KCNH5: variants seen among roughly 807,000 people sequenced by gnomAD.
KCNH5 encodes potassium voltage-gated channel subfamily H member 5.
A neutral mutation model predicts 96.1 loss-of-function variants in KCNH5; 46 were observed. The observed-to-expected ratio is 0.48, with a 90% CI of 0.38 to 0.61. The LOEUF (loss-of-function observed/expected upper bound fraction) is 0.61, where lower values mean the gene tolerates loss of function less well. Ranked by LOEUF, KCNH5 falls within the 20% of genes least tolerant of loss-of-function variation. The pLI, the probability that KCNH5 is intolerant of heterozygous loss-of-function variation, is 0.00. For missense variants in KCNH5, 907 were observed against 1,225.8 expected, an observed-to-expected ratio of 0.74 and a Z score of 3.88; for synonymous variants, 439 against 449.8, an observed-to-expected ratio of 0.98 and a Z score of 0.30.
At chr14:62,788,454 A>G (rs775188843) in intron 9 of KCNH5, among the ~76,000 whole-genome samples, 4 of 152,216 alleles carry the variant, frequency 2.6e-5, no homozygotes, top group Non-Finnish European at 4.4e-5. Flanking sequence ...AAATGACAAC[A>G]AAGTACTTAT....
intron 10 of KCNH5, among the ~76,000 whole-genome samples, chr14:62,728,738 T>A (rs2139921724): frequency 6.6e-6 from 1 of 152,326 alleles, no homozygotes; most frequent in South Asian, 2.1e-4. Context: ...TAACTGGGCC[T>A]TATATGATGG....
At chr14:62,986,746 C>T (rs948626401) in intron 5 of KCNH5, among the ~76,000 whole-genome samples, 9 of 152,124 alleles carry the variant, frequency 5.9e-5, no homozygotes, top group South Asian at 2.1e-4. Context: ...ACATCCTTTG[C>T]AGAGTGCCAA....
intron 10 of KCNH5, among the ~76,000 whole-genome samples, chr14:62,755,609 C>A (rs1251901737): frequency 6.6e-6 from 1 of 152,026 alleles, no homozygotes; most frequent in East Asian, 1.9e-4. Context: ...GATACCAAAA[C>A]CAAACAAAGA....
intron 7 of KCNH5, among the ~76,000 whole-genome samples, chr14:62,937,506 G>C (rs1427159420): frequency 6.6e-6 from 1 of 152,126 alleles, no homozygotes. Context: ...CCTTCCTAAG[G>C]GGAGAGTCAG....
At chr14:62,715,633 T>C (rs1473531465) in intron 10 of KCNH5, among the ~76,000 whole-genome samples, 1 of 152,208 alleles carries the variant, frequency 6.6e-6, no homozygotes, top group African/African-American at 2.4e-5. Flanking sequence ...TGATACTCTG[T>C]TTTGAGATGT....
chr14:62,741,982 G>T (rs1885280174), intron 10 of KCNH5, among the ~76,000 whole-genome samples: 1 of 152,044 alleles, frequency 6.6e-6, no homozygotes, highest in Non-Finnish European at 1.5e-5. Flanking sequence ...TGCTTATCAG[G>T]GTTACAATCT....
chr14:63,045,284 T>C lies in KCNH5; in HGVS notation c.-98A>G. ...GAGGAGGAAAAGGTGGAAGAGAAGATTGAGCCGAAAGAAGAGGGGGCGCGG... is the reference window on the plus strand; with the variant it reads ...GAGGAGGAAAAGGTGGAAGAGAAGACTGAGCCGAAAGAAGAGGGGGCGCGG... On this transcript the variant is annotated 5_prime_UTR_variant, in exon 1 of 11. Transcript: ENST00000322893. 2.0e-6 allele frequency: 2 copies of C among 1,010,926 alleles called. No individual in the cohort carries two copies. The highest frequency in any genetic ancestry group is 3.1e-6 in the Non-Finnish European group (2 of 655,344). The allele number at this position is 1,010,926 out of a possible 1,614,324, so 62.6% of individuals were successfully genotyped here.
chr14:62,963,960 T>A (rs1022460173), intron 6 of KCNH5, among the ~76,000 whole-genome samples: 1 of 152,116 alleles, frequency 6.6e-6, no homozygotes, highest in African/African-American at 2.4e-5. Context: ...TATCCCTTTT[T>A]TCAACAATTT....
chr14:62,980,818 T>C (rs751652336), intron 6 of KCNH5, 54 bp downstream of exon 6: 7 of 1,558,282 alleles, frequency 4.5e-6, no homozygotes, highest in Non-Finnish European at 6.1e-6. Context: ...TTTATCCTGA[T>C]GTTTTCAAAA....
intron 8 of KCNH5, among the ~76,000 whole-genome samples, chr14:62,817,738 A>ATATTCTAGGAATATATTATATTCCT (rs1887018858): frequency 7.0e-6 from 1 of 142,570 alleles, no homozygotes; most frequent in African/African-American, 2.6e-5. Context: ...TCTATATAAT[A>ATATTCTAGGAATATATTATATTCCT]ATATATTCTA....
chr14:63,045,178 C>A lies in KCNH5; in HGVS notation c.9G>T (p.Gly3=). The A allele has an allele frequency of 6.2e-7, 1 of 1,613,554 alleles. No homozygotes were observed. Among genetic ancestry groups the A allele is most frequent in the Non-Finnish European group, 8.5e-7 (1 of 1,179,974 alleles). ...GCGGTGCCACCAGCCCTCTCTTGCC[C>A]CCCGGCATCCTGGGTCTGGAGAGCA... is the stretch of plus-strand genomic sequence containing the variant. The part of the protein sequence containing the change: MP[G]GKRGLVAPQN... Residue 3 remains glycine (G), a synonymous_variant, in exon 1 of 11, where the codon GGG becomes GGT. Coordinates refer to ENST00000322893, the MANE Select transcript of KCNH5 (RefSeq NM_139318.5).
intron 7 of KCNH5, among the ~76,000 whole-genome samples, chr14:62,936,196 GAC>G (rs1889676723): frequency 1.3e-5 from 2 of 152,230 alleles, no homozygotes; most frequent in Admixed American, 6.5e-5. Flanking sequence ...AGGAAGTGAA[GAC>G]ACATGCTTTA....
At chr14:62,782,279 A>C (rs1191687766) in intron 9 of KCNH5, among the ~76,000 whole-genome samples, 1 of 152,208 alleles carries the variant, frequency 6.6e-6, no homozygotes, top group African/African-American at 2.4e-5. Context: ...ATAGGGCTTG[A>C]TTTCAAGCTT....
intron 6 of KCNH5, among the ~76,000 whole-genome samples, chr14:62,974,020 GAAATGATGCA>G (rs1268013664): frequency 6.6e-6 from 1 of 152,118 alleles, no homozygotes; most frequent in African/African-American, 2.4e-5. Flanking sequence ...AGGATAAAGT[GAAATGATGCA>G]TGTGGCAGCT....
At chr14:63,029,211 G>A (rs1292801689) in intron 1 of KCNH5, among the ~76,000 whole-genome samples, 1 of 152,128 alleles carries the variant, frequency 6.6e-6, no homozygotes, top group African/African-American at 2.4e-5. Context: ...ATGTTATCAA[G>A]TGGTAAACAT....
At chr14:62,952,758 A>C (rs922071085) in intron 6 of KCNH5, among the ~76,000 whole-genome samples, 4 of 152,134 alleles carry the variant, frequency 2.6e-5, no homozygotes, top group Non-Finnish European at 5.9e-5. Context: ...CTAGAATGTC[A>C]TGAGTTAGGA....
chr14:62,945,352 G>A (rs1017807809), intron 7 of KCNH5, among the ~76,000 whole-genome samples: 6 of 152,072 alleles, frequency 3.9e-5, no homozygotes, highest in African/African-American at 9.7e-5. Context: ...CAAAGGAATC[G>A]GGGTCAAAGC....
At position 63,045,182 on chromosome 14, in the gene KCNH5, G is replaced by A. The variant is rs1428915815; in HGVS notation, c.5C>T (p.Pro2Leu). The A allele has an allele frequency of 2.5e-6, 4 of 1,613,304 alleles. No homozygotes were observed. Among genetic ancestry groups the A allele is most frequent in the Middle Eastern group, 1.7e-4 (1 of 5,824 alleles). Residue 2 changes from proline to leucine, a missense_variant, in exon 1 of 11, where the codon CCG (proline) becomes CTG (leucine). Physicochemically the swap from Pro to Leu is moderately conservative, Grantham distance 98 (BLOSUM62 -3). Coordinates refer to ENST00000322893, the MANE Select transcript of KCNH5 (RefSeq NM_139318.5). Reference sequence around the variant, plus strand: ...TGCCACCAGCCCTCTCTTGCCCCCCGGCATCCTGGGTCTGGAGAGCAGCGG... The same window carrying A: ...TGCCACCAGCCCTCTCTTGCCCCCCAGCATCCTGGGTCTGGAGAGCAGCGG... MPGGKRGLVAPQ... is the reference protein window; with the variant it reads MLGGKRGLVAPQ...
At chr14:63,000,975 T>C (rs1218049692) in intron 4 of KCNH5, among the ~76,000 whole-genome samples, 1 of 152,086 alleles carries the variant, frequency 6.6e-6, no homozygotes, top group Non-Finnish European at 1.5e-5. Context: ...CTCAGGAGGC[T>C]GAGGTGGGGG....
Sources: allele counts gnomAD v4.1 joint callset (sites outside exome capture counted in the v4.1 genomes callset), GRCh38; gene constraint gnomAD v4.1.1; transcripts MANE v1.5; gene names NCBI Gene and HGNC (gene_info 2026-07-23, HGNC 2026-07-21).